PAM: variants seen among roughly 807,000 people sequenced by gnomAD.
PAM encodes the protein peptidyl-glycine alpha-amidating monooxygenase.
Under a neutral mutation model 122.1 loss-of-function variants are expected in PAM, and 72 were observed. The observed-to-expected ratio is 0.59, with a 90% CI of 0.49 to 0.72. The LOEUF is 0.72. Among genes scored for constraint, PAM ranks in the 30% least tolerant of loss-of-function variants. PAM has a pLI of 0.00. For synonymous variants in PAM, 389 were observed against 404.4 expected (o/e 0.96, Z 0.46); for missense variants, 1,106 against 1,183.7 (o/e 0.93, Z 0.96).
rs572572999 is a variant in PAM, at chr5:102,882,488, A to G, written c.210+15095A>G. ...TCCATGATTATTAGGGATGTTGAGC[A>G]TTTTTTCATGTTTCTTGTCCATTTG... is the stretch of plus-strand genomic sequence containing the variant. On this transcript the variant is annotated intron_variant, in intron 3 of 25. Transcript: ENST00000438793. Among the ~76,000 whole-genome samples, 4 of 151,784 alleles carry G rather than the reference A, an allele frequency of 2.6e-5. No homozygotes were observed. In the South Asian group the frequency reaches 8.3e-4, roughly 31 times the overall value.
chr5:102,943,021 T>A (rs1755808252), intron 7 of PAM, among the ~76,000 whole-genome samples: 4 of 152,216 alleles, frequency 2.6e-5, no homozygotes, highest in African/African-American at 9.6e-5. Flanking sequence ...CTCTAACCTT[T>A]ACCTTCACCT....
rs529223886 is a variant in PAM at position 102,814,890 on chromosome 5, T to C, written c.-373-50933T>C. ...AAACTCACATATCTTTCTTTTGTGT[T>C]CTTTCTGTGATAGAGTTTTCCCCTC... On this transcript the variant is annotated intron_variant, in intron 1 of 25. Coordinates refer to ENST00000438793, the MANE Select transcript of PAM (RefSeq NM_001177306.2). Among the ~76,000 whole-genome samples, 4 of 152,108 alleles carry C rather than the reference T, an allele frequency of 2.6e-5. No homozygotes were observed. The South Asian group carries it at 6.2e-4, about 24-fold the overall frequency.
chr5:102,806,312 A>C (rs1766214005), intron 1 of PAM, among the ~76,000 whole-genome samples: 1 of 152,216 alleles, frequency 6.6e-6, no homozygotes, highest in Non-Finnish European at 1.5e-5. Context: ...GAGGGCAGGT[A>C]AGCCAGGATT....
intron 15 of PAM, among the ~76,000 whole-genome samples, chr5:102,976,176 A>G (rs1161589218): frequency 6.6e-6 from 1 of 152,158 alleles, no homozygotes; most frequent in Non-Finnish European, 1.5e-5. Context: ...AGGAACATGT[A>G]TTTCCTTTCT....
chr5:102,817,280 AG>A (rs1399036931), intron 1 of PAM, among the ~76,000 whole-genome samples: 1 of 152,178 alleles, frequency 6.6e-6, no homozygotes, highest in African/African-American at 2.4e-5. Context: ...AAATTTAAAA[AG>A]AAATACTTCA....
chr5:102,906,541 C>T (rs1048948025), intron 4 of PAM, among the ~76,000 whole-genome samples: 6 of 151,652 alleles, frequency 4.0e-5, no homozygotes, highest in African/African-American at 1.5e-4. Context: ...TGAGCCAGAA[C>T]ACTCCACATT....
chr5:102,760,535 TC>T (rs777776690), intron 1 of PAM, among the ~76,000 whole-genome samples: 24 of 152,342 alleles, frequency 1.6e-4, no homozygotes, highest in Middle Eastern at 3.4e-3. Flanking sequence ...AAAAATCCAT[TC>T]CTCAGTTGCA....
At chr5:102,977,451 C>T (rs369071964) in intron 15 of PAM, among the ~76,000 whole-genome samples, 2 of 152,012 alleles carry the variant, frequency 1.3e-5, no homozygotes, top group African/African-American at 4.8e-5. Context: ...CAAATATCTG[C>T]GAATAGCATT....
At chr5:102,913,058 A>C (rs971487428) in intron 4 of PAM, among the ~76,000 whole-genome samples, 3 of 151,990 alleles carry the variant, frequency 2.0e-5, no homozygotes, top group Admixed American at 2.0e-4. Context: ...AAATAGCTGA[A>C]AGATGCATTT....
At chr5:102,837,144 C>T (rs1309197889) in intron 1 of PAM, among the ~76,000 whole-genome samples, 1 of 152,152 alleles carries the variant, frequency 6.6e-6, no homozygotes, top group African/African-American at 2.4e-5. Flanking sequence ...TTGACATTGC[C>T]TAATATGCCT....
intron 3 of PAM, among the ~76,000 whole-genome samples, chr5:102,881,471 G>T (rs1791060241): frequency 1.3e-5 from 2 of 151,980 alleles, no homozygotes; most frequent in Admixed American, 1.3e-4. Context: ...TACATTGCTG[G>T]TGGGAGGGTG....
chr5:102,862,118 C>G (rs1234091992), intron 1 of PAM, among the ~76,000 whole-genome samples: 1 of 141,840 alleles, frequency 7.1e-6, no homozygotes, highest in Non-Finnish European at 1.5e-5. Context: ...TGGAGTGAGC[C>G]AAAATTGCGC....
At chr5:102,981,572 C>T (rs927086911) in intron 15 of PAM, among the ~76,000 whole-genome samples, 15 of 152,174 alleles carry the variant, frequency 9.9e-5, no homozygotes, top group South Asian at 2.1e-4. Context: ...TGAGGCCATA[C>T]AGTAAGTAGG....
chr5:102,781,771 C>T (rs1191449972), intron 1 of PAM, among the ~76,000 whole-genome samples: 1 of 152,108 alleles, frequency 6.6e-6, no homozygotes, highest in African/African-American at 2.4e-5. Flanking sequence ...ATAGATTAAG[C>T]CCAGAAATAT....
At chr5:102,903,967 A>C (rs1035367289) in intron 4 of PAM, among the ~76,000 whole-genome samples, 4 of 151,600 alleles carry the variant, frequency 2.6e-5, no homozygotes, top group African/African-American at 9.7e-5. Flanking sequence ...CATCTTAACA[A>C]AACAAATAAC....
At chr5:102,794,644 C>A (rs956220485) in intron 1 of PAM, among the ~76,000 whole-genome samples, 7 of 151,958 alleles carry the variant, frequency 4.6e-5, no homozygotes, top group Admixed American at 1.3e-4. Flanking sequence ...GATTCCACCA[C>A]CAAAAAATTA....
chr5:102,851,395 A>C (rs919100898), intron 1 of PAM, among the ~76,000 whole-genome samples: 1 of 152,324 alleles, frequency 6.6e-6, no homozygotes, highest in African/African-American at 2.4e-5. Context: ...TTTACATAAC[A>C]AAGGCAGCCT....
intron 18 of PAM, among the ~76,000 whole-genome samples, chr5:103,005,578 T>C (rs1164070908): frequency 6.6e-6 from 1 of 152,148 alleles, no homozygotes; most frequent in Non-Finnish European, 1.5e-5. Flanking sequence ...GTAATCTCTG[T>C]TATCTCTTCT....
chr5:103,017,297 G>A (rs1026493357), intron 21 of PAM, 37 bp from the exon 22 acceptor site: 6 of 1,244,514 alleles, frequency 4.8e-6, no homozygotes, highest in Non-Finnish European at 7.1e-6. Flanking sequence ...TCAAGTAAAG[G>A]CTCACCACTC....
Sources: gnomAD v4.1 joint callset for allele counts (sites outside exome capture counted in the v4.1 genomes callset) on GRCh38, gnomAD v4.1.1 for gene constraint, MANE v1.5 for transcripts, NCBI Gene and HGNC (gene_info 2026-07-23, HGNC 2026-07-21) for gene names.